The following NBAS variants were observed in gnomAD, a reference collection of about 807,000 sequenced individuals.
NBAS encodes NAG/BC035112 fusion.
Under a neutral mutation model 302.5 loss-of-function variants are expected in NBAS, and 219 were observed. That is an observed-to-expected ratio of 0.72 (90% CI 0.65 to 0.81). The LOEUF (loss-of-function observed/expected upper bound fraction) is 0.81, where lower values mean the gene tolerates loss of function less well. Ranked by LOEUF, NBAS falls within the 30% of genes least tolerant of loss-of-function variation. The probability of loss-of-function intolerance (pLI) is 0.00; values close to 1 mark genes in which losing one functional copy is unlikely to be tolerated. For missense variants in NBAS, 2,932 were observed against 2,841.6 expected, an observed-to-expected ratio of 1.03 and a Z score of -0.72; for synonymous variants, 1,118 against 1,021.6, an observed-to-expected ratio of 1.09 and a Z score of -1.80.
At chr2:15,475,237 A>C (rs1680139149) in intron 14 of NBAS, among the ~76,000 whole-genome samples, 1 of 152,220 alleles carries the variant, frequency 6.6e-6, no homozygotes, top group Non-Finnish European at 1.5e-5. Context: ...AAAGGCTTAA[A>C]ATAAAATTTT....
At chr2:15,502,287 G>A (rs1661605896) in intron 11 of NBAS, among the ~76,000 whole-genome samples, 2 of 152,226 alleles carry the variant, frequency 1.3e-5, no homozygotes, top group Admixed American at 6.5e-5. Flanking sequence ...TTGTCAAAGT[G>A]TTCATGATAA....
chr2:14,972,719 T>A, the NBAS span, among the ~76,000 whole-genome samples: 5 of 152,278 alleles, frequency 3.3e-5, no homozygotes, highest in African/African-American at 1.2e-4. Flanking sequence ...CTCAAAGAAA[T>A]CGTCTGAAAG....
chr2:15,178,300 T>A lies in NBAS; in HGVS notation c.6840+688A>T, dbSNP rs186182179. 174 of 324,438 alleles carry A rather than the reference T, an allele frequency of 5.4e-4. 1 individual carries two copies. The highest frequency in any genetic ancestry group is 2.9e-4 in the Non-Finnish European group (46 of 161,192). The allele number at this position is 324,438 out of a possible 1,614,324, so 20.1% of individuals were successfully genotyped here. A position where few individuals can be genotyped will look rare whatever the true frequency, so the allele number is the denominator to read the frequency against. On this transcript the variant is annotated intron_variant, in intron 51 of 51. Coordinates refer to ENST00000281513, the MANE Select transcript of NBAS (RefSeq NM_015909.4). ...CAAACAGACATACATACACTTCAAA[T>A]GAAAGAATGATCTCCACACAAAAGG...
intron 21 of NBAS, among the ~76,000 whole-genome samples, chr2:15,439,337 C>A (rs997082138): frequency 2.0e-5 from 3 of 151,386 alleles, no homozygotes; most frequent in African/African-American, 7.3e-5. Context: ...AATATTACCC[C>A]AGCAGGTGAG....
the NBAS span, among the ~76,000 whole-genome samples, chr2:14,834,679 A>C: frequency 6.6e-6 from 1 of 152,106 alleles, no homozygotes; most frequent in Admixed American, 6.6e-5. Flanking sequence ...AGAGGGGGGA[A>C]GTGGATGCCA....
the NBAS span, among the ~76,000 whole-genome samples, chr2:14,934,450 C>A: frequency 1.3e-5 from 2 of 152,032 alleles, no homozygotes; most frequent in African/African-American, 4.8e-5. Context: ...CATTTAACTC[C>A]TTTTCTATAA....
chr2:15,395,929 C>T (rs1028706167), intron 27 of NBAS, among the ~76,000 whole-genome samples: 9 of 152,028 alleles, frequency 5.9e-5, no homozygotes, highest in African/African-American at 2.2e-4. Context: ...TCCAGTGTTG[C>T]ATGAGGGTTC....
chr2:15,238,428 C>A (rs745350987), intron 45 of NBAS, 40 bp downstream of exon 45: 9 of 1,578,210 alleles, frequency 5.7e-6, no homozygotes, highest in Middle Eastern at 1.7e-4. Flanking sequence ...AAAGAATATA[C>A]TGATACAGAG....
chr2:15,239,689 G>T (rs551665498), intron 44 of NBAS, among the ~76,000 whole-genome samples: 4 of 148,916 alleles, frequency 2.7e-5, no homozygotes, highest in African/African-American at 9.8e-5. Context: ...TATGTATTCA[G>T]ACATATGCAT....
At chr2:15,030,774 T>C in the NBAS span, among the ~76,000 whole-genome samples, 31 of 152,304 alleles carry the variant, frequency 2.0e-4, no homozygotes, top group African/African-American at 7.5e-4. Flanking sequence ...GTGGGGACTA[T>C]CTTGTGCATG....
At chr2:15,536,325 CAGAA>C (rs774075828) in intron 8 of NBAS, 89 bp downstream of exon 8, 20 of 1,459,572 alleles carry the variant, frequency 1.4e-5, no homozygotes, top group Admixed American at 5.6e-5. Flanking sequence ...TCATAATAGA[CAGAA>C]AGCAAAAAAA....
At chr2:14,972,247 C>T in the NBAS span, among the ~76,000 whole-genome samples, 28 of 151,998 alleles carry the variant, frequency 1.8e-4, no homozygotes, top group Middle Eastern at 3.4e-3. Context: ...GGACATTGAA[C>T]ATTGAGAACA....
At chr2:15,370,346 T>G (rs1674422646) in intron 31 of NBAS, among the ~76,000 whole-genome samples, 1 of 152,132 alleles carries the variant, frequency 6.6e-6, no homozygotes, top group Non-Finnish European at 1.5e-5. Context: ...CAGGCTCGGG[T>G]GCGGTGGCAC....
chr2:14,904,643 T>C, the NBAS span, among the ~76,000 whole-genome samples: 1 of 151,714 alleles, frequency 6.6e-6, no homozygotes, highest in South Asian at 2.1e-4. Flanking sequence ...CACAGTCAGC[T>C]GTGACTCAGT....
chr2:14,848,219 G>C, the NBAS span, among the ~76,000 whole-genome samples: 1 of 151,278 alleles, frequency 6.6e-6, no homozygotes, highest in Non-Finnish European at 1.5e-5. Flanking sequence ...CAGTGGGTGC[G>C]CGCACCATGC....
At chr2:14,867,381 A>G in the NBAS span, among the ~76,000 whole-genome samples, 43 of 152,274 alleles carry the variant, frequency 2.8e-4, no homozygotes, top group Admixed American at 1.4e-3. Flanking sequence ...GGAAGCACAG[A>G]GTCAGCCTTC....
the NBAS span, among the ~76,000 whole-genome samples, chr2:14,829,917 C>T: frequency 2.3e-3 from 349 of 152,272 alleles, no homozygotes; most frequent in African/African-American, 8.2e-3. Flanking sequence ...AGTCCTAGGC[C>T]TTATCAAAGA....
At chr2:15,143,496 G>A in the NBAS span, among the ~76,000 whole-genome samples, 1 of 152,278 alleles carries the variant, frequency 6.6e-6, no homozygotes, top group South Asian at 2.1e-4. Context: ...AGAAACAAGG[G>A]CATGTCTGTG....
At chr2:15,106,132 C>T in the NBAS span, among the ~76,000 whole-genome samples, 1 of 152,114 alleles carries the variant, frequency 6.6e-6, no homozygotes, top group Non-Finnish European at 1.5e-5. Context: ...AGCTCTAAAT[C>T]AAATGCTGAA....
Sources: allele counts gnomAD v4.1 joint callset (sites outside exome capture counted in the v4.1 genomes callset), GRCh38; gene constraint gnomAD v4.1.1; transcripts MANE v1.5; gene names NCBI Gene and HGNC (gene_info 2026-07-23, HGNC 2026-07-21).